The following NR1H2 variants were observed in gnomAD, a reference collection of about 807,000 sequenced individuals.
NR1H2 encodes nuclear receptor subfamily 1 group H member 2.
NR1H2 carries 33 observed loss-of-function variants against 51.2 expected under a neutral mutation model. The observed-to-expected ratio is 0.64, with a 90% CI of 0.49 to 0.86. The LOEUF (loss-of-function observed/expected upper bound fraction) is 0.86, where lower values mean the gene tolerates loss of function less well. Among genes scored for constraint, NR1H2 ranks in the 40% least tolerant of loss-of-function variants. NR1H2 has a pLI of 0.00. For synonymous variants in NR1H2, 310 were observed against 264.3 expected, an observed-to-expected ratio of 1.17 and a Z score of -1.68; for missense variants, 592 against 639.9, an observed-to-expected ratio of 0.93 and a Z score of 0.81.
At chr19:50,378,117 G>T (rs1268652847) in intron 4 of NR1H2, 32 bp from the exon 5 acceptor site, 2 of 1,580,708 alleles carry the variant, frequency 1.3e-6, no homozygotes, top group East Asian at 2.3e-5. Context: ...TCTCCTTGTG[G>T]CTTTCTCATG....
chr19:50,382,502 G>A lies in NR1H2; in HGVS notation c.1283G>A (p.Arg428His). 6.2e-7 allele frequency: 1 copy of A among 1,610,876 alleles called. No homozygotes were observed. The highest frequency in any genetic ancestry group is 2.2e-5 in the East Asian group (1 of 44,854). The change falls in exon 10 of 10, where the codon CGC becomes CAC. Residue 428 changes from arginine to histidine, a missense_variant. Transcript: ENST00000253727. ...ATGCTCATGAAGCTGGTGAGCCTGC[G>A]CACGCTGAGCTCTGTGCACTCGGAG... ...PRMLMKLVSL[R>H]TLSSVHSEQV...
Position 50,378,622 on chromosome 19 carries a change from C to T in NR1H2, c.573C>T (p.Ser191=). 1 of 1,614,134 alleles carries T rather than the reference C, an allele frequency of 6.2e-7. No individual in the cohort carries two copies. The highest frequency in any genetic ancestry group is 1.1e-5 in the South Asian group (1 of 91,090). The change falls in exon 6 of 10, where the codon AGC becomes AGT. Residue 191 remains serine (S), a synonymous_variant. Transcript: ENST00000253727. ...SQSPVGPQGS[S]SSASGPGASP... ...CACCTGTGGGGCCGCAGGGCAGCAG[C>T]AGCTCAGCCTCTGGGCCTGGGGCTT...
rs774346544 is a variant in NR1H2 at position 50,382,480 on chromosome 19, C to G, written c.1261C>G (p.Leu421Val). The change falls in exon 10 of 10, where the codon CTC becomes GTC. Residue 421 changes from leucine (L) to valine (V), a missense_variant. Transcript: ENST00000253727. ...PQDQLRFPRMLMKLVSLRTLS... is the reference protein window; with the variant it reads ...PQDQLRFPRMVMKLVSLRTLS... ...GGACCAGCTGCGCTTCCCGCGCATGCTCATGAAGCTGGTGAGCCTGCGCAC... is the reference window on the plus strand; with the variant it reads ...GGACCAGCTGCGCTTCCCGCGCATGGTCATGAAGCTGGTGAGCCTGCGCAC... 1 of 1,608,866 alleles carries G rather than the reference C, an allele frequency of 6.2e-7. No individual in the cohort carries two copies. Among genetic ancestry groups the G allele is most frequent in the Non-Finnish European group, 8.5e-7 (1 of 1,178,946 alleles).
chr19:50,382,180 GC>G lies in NR1H2; in HGVS notation c.1236+10del, dbSNP rs747021385. 6.6e-7 allele frequency: 1 copy of G among 1,521,862 alleles called. No individual in the cohort carries two copies. Among genetic ancestry groups the G allele is most frequent in the South Asian group, 1.2e-5 (1 of 82,598 alleles). The allele number at this position is 1,521,862 out of a possible 1,614,324, so 94.3% of individuals were successfully genotyped here. ...CGCGCATCAAGAGGCCGCAGGTAGG[GC>G]CCCGCAGAGCCTCTGCGCAGAGCCA... On this transcript the variant is annotated splice_region_variant and intron_variant, in intron 9 of 9. Transcript: ENST00000253727.
chr19:50,379,654 A>C (rs1272421792), intron 7 of NR1H2, 126 bp from the exon 8 acceptor site: 2 of 678,940 alleles, frequency 2.9e-6, no homozygotes, highest in Non-Finnish European at 5.4e-6. Flanking sequence ...TGTGGCTGAG[A>C]GAACAGGGGG....
At chr19:50,382,389 T>C (rs2037787720) in intron 9 of NR1H2, 67 bp from the exon 10 acceptor site, 2 of 1,521,850 alleles carry the variant, frequency 1.3e-6, no homozygotes, top group Non-Finnish European at 8.8e-7. Context: ...TCCTTTCTGT[T>C]GGGGTGGGCC....
chr19:50,381,882 CAG>C, intron 8 of NR1H2, 82 bp from the exon 9 acceptor site: 3 of 1,197,776 alleles, frequency 2.5e-6, no homozygotes, highest in Non-Finnish European at 3.5e-6. Flanking sequence ...TTCCCAGCCC[CAG>C]AGACTGTGGG....
rs777685852 is a variant in NR1H2 at position 50,378,179 on chromosome 19, G to T, written c.212G>T (p.Arg71Leu). The T allele has an allele frequency of 8.1e-6, 13 of 1,612,328 alleles. No homozygotes were observed. Among genetic ancestry groups the T allele is most frequent in the African/African-American group, 1.3e-5 (1 of 74,842 alleles). ...CCAGATCCCGAAGAGGAACCAGAGC[G>T]CAAGCGAAAGAAGGGCCCAGCCCCG... The part of the protein sequence containing the change: ...VIPDPEEEPE[R>L]KRKKGPAPKM... The change falls in exon 5 of 10, where the codon CGC becomes CTC. Residue 71 changes from arginine (R) to leucine (L), a missense_variant. Transcript: ENST00000253727.
In NR1H2 at chr19:50,382,089, A is replaced by G. The variant is rs1390146578; in HGVS notation, c.1151A>G (p.Asn384Ser). The G allele has an allele frequency of 6.5e-7, 1 of 1,549,774 alleles. No individual in the cohort carries two copies. The highest frequency in any genetic ancestry group is 2.0e-5 in the Admixed American group (1 of 51,210). Residue 384 changes from asparagine to serine, a missense_variant, in exon 9 of 10, where the codon AAC becomes AGC. By Grantham distance (46) the Asn-to-Ser change is conservative. Around this residue, in one of 3 missense-constraint regions of NR1H2, gnomAD observed 174 missense variants for 174.0 expected, o/e 1.00. Coordinates refer to ENST00000253727, the MANE Select transcript of NR1H2 (RefSeq NM_007121.7). The part of the protein sequence containing the change: ...AINIFSADRP[N>S]VQEPGRVEAL... ...AACATCTTCTCGGCCGACCGGCCCAACGTGCAGGAGCCGGGCCGCGTGGAG... is the reference window on the plus strand; with the variant it reads ...AACATCTTCTCGGCCGACCGGCCCAGCGTGCAGGAGCCGGGCCGCGTGGAG...
chr19:50,382,024 G>C lies in NR1H2; in HGVS notation c.1086G>C (p.Leu362=), dbSNP rs1568596805. 6.4e-7 allele frequency: 1 copy of C among 1,567,928 alleles called. No individual in the cohort carries two copies. Among genetic ancestry groups the C allele is most frequent in the Non-Finnish European group, 8.7e-7 (1 of 1,156,028 alleles). Residue 362 remains leucine, a synonymous_variant, in exon 9 of 10, where the codon CTG becomes CTC. Transcript: ENST00000253727. ...IFEFSRAMRR[L]GLDDAEYALL... is the part of the protein sequence containing the mutation. ...AGTTCTCGCGGGCCATGCGGCGGCTGGGCCTGGACGACGCTGAGTACGCCC... is the reference window on the plus strand; with the variant it reads ...AGTTCTCGCGGGCCATGCGGCGGCTCGGCCTGGACGACGCTGAGTACGCCC...
At position 50,378,583 on chromosome 19, in the gene NR1H2, GTCA is replaced by G. The variant is rs2037711101; in HGVS notation, c.535_537del (p.Ser179del). The G allele has an allele frequency of 4.3e-6, 7 of 1,613,676 alleles. No homozygotes were observed. The highest frequency in any genetic ancestry group is 5.9e-6 in the Non-Finnish European group (7 of 1,179,814). On this transcript the variant is annotated inframe_deletion, in exon 6 of 10. Coordinates refer to ENST00000253727, the MANE Select transcript of NR1H2 (RefSeq NM_007121.7). ...TTCGGAAACAGCAGCAGGAGTCACA[GTCA>G]CAGTCGCAGTCACCTGTGGGGCCGC... is the stretch of plus-strand genomic sequence containing the variant.
At chr19:50,376,669 C>T (rs1326601265) in intron 1 of NR1H2, 50 bp from the exon 2 acceptor site, 3 of 152,386 alleles carry the variant, frequency 2.0e-5, no homozygotes, top group Admixed American at 1.3e-4. Flanking sequence ...CCCCTTCTCT[C>T]CTTCCATTTC....
chr19:50,378,492 G>A (rs369309272), intron 5 of NR1H2, 30 bp from the exon 6 acceptor site: 22 of 1,587,834 alleles, frequency 1.4e-5, no homozygotes, highest in Non-Finnish European at 1.9e-5. Context: ...CTAGCCCTGG[G>A]GTTCTGCTGA....
At chr19:50,377,539 C>T (rs559681591) in intron 2 of NR1H2, 48 bp from the exon 3 acceptor site, 3 of 1,501,688 alleles carry the variant, frequency 2.0e-6, no homozygotes, top group African/African-American at 1.4e-5. Context: ...CTGACCTAAC[C>T]TAACCCTTCT....
At chr19:50,378,464 G>A (rs2037706926) in intron 5 of NR1H2, 25 bp downstream of exon 5, 2 of 1,575,420 alleles carry the variant, frequency 1.3e-6, no homozygotes, top group Admixed American at 1.7e-5. Flanking sequence ...AGGGGGCGGT[G>A]CCGGCCTGGC....
chr19:50,379,104 T>C lies in NR1H2; in HGVS notation c.850T>C (p.Phe284Leu), dbSNP rs1448059454. The change falls in exon 7 of 10, where the codon TTC (phenylalanine) becomes CTC (leucine). Residue 284 changes from phenylalanine (F) to leucine (L), a missense_variant. Coordinates refer to ENST00000253727, the MANE Select transcript of NR1H2 (RefSeq NM_007121.7). ...AIISVQEIVD[F>L]AKQVPGFLQL... ...CATCTCAGTCCAGGAGATCGTGGAC[T>C]TCGCTAAGCAAGTGCCTGGTTTCCT... 1 of 1,614,028 alleles carries C rather than the reference T, an allele frequency of 6.2e-7. No individual in the cohort carries two copies.
chr19:50,378,104 G>T, intron 4 of NR1H2, 45 bp from the exon 5 acceptor site: 1 of 1,566,616 alleles, frequency 6.4e-7, no homozygotes, highest in Non-Finnish European at 8.7e-7. Flanking sequence ...TCTGGTTCCT[G>T]TTTCTCCTTG....
At chr19:50,378,958 G>C in intron 6 of NR1H2, 44 bp from the exon 7 acceptor site, 2 of 1,566,742 alleles carry the variant, frequency 1.3e-6, no homozygotes, top group South Asian at 1.2e-5. Flanking sequence ...CCCAGACTTA[G>C]GCTCACAAAG....
rs1477086271 is a variant in NR1H2, at chr19:50,382,713, C to T, written c.*111C>T. 4 of 1,167,742 alleles carry T rather than the reference C, an allele frequency of 3.4e-6. No individual in the cohort carries two copies. The African/African-American group carries it at 4.7e-5, about 14-fold the overall frequency. 72.3% of individuals were successfully genotyped at this position (1,167,742 alleles called of 1,614,324 possible). ...GGGGCCCTGGGCCGAGCCTGTAGAC[C>T]TATCGGCTCTCATCCCTTGGGATAA... On this transcript the variant is annotated 3_prime_UTR_variant, in exon 10 of 10. Transcript: ENST00000253727.
Sources: allele counts gnomAD v4.1 joint callset, GRCh38; gene constraint gnomAD v4.1.1; regional missense constraint gnomAD v4.1.1; transcripts MANE v1.5; gene names NCBI Gene and HGNC (gene_info 2026-07-23, HGNC 2026-07-21).